PARD3B: variants seen among roughly 807,000 people sequenced by gnomAD.
PARD3B encodes the protein par-3 family cell polarity regulator beta.
Under a neutral mutation model 130.2 loss-of-function variants are expected in PARD3B, and 103 were observed. The ratio of observed to expected loss-of-function variants is 0.79; its 90% CI spans 0.67 to 0.93. PARD3B has a LOEUF of 0.93. Ranked by LOEUF, PARD3B falls within the 40% of genes least tolerant of loss-of-function variation. The probability of loss-of-function intolerance (pLI) is 0.00; values close to 1 mark genes in which losing one functional copy is unlikely to be tolerated. For missense variants in PARD3B, 1,609 were observed against 1,499.2 expected (o/e 1.07, Z -1.21); for synonymous variants, 583 against 553.2 (o/e 1.05, Z -0.76).
In PARD3B at chr2:204,675,659, T is replaced by C. The variant is rs1022191144; in HGVS notation, c.121-10522T>C. On this transcript the variant is annotated intron_variant, in intron 1 of 22. Transcript: ENST00000406610. The surrounding 1 kb of genome is among the most constrained non-coding windows in gnomAD (Gnocchi z 4.4). ...AAAAATGAACCTCTAAAGCCCTTTA[T>C]ATAAAGAAAACCGCTGAGATTATAG... Among the ~76,000 whole-genome samples, 1 of 152,138 alleles carries C rather than the reference T, an allele frequency of 6.6e-6. No homozygotes were observed. Among genetic ancestry groups the C allele is most frequent in the African/African-American group, 2.4e-5 (1 of 41,446 alleles).
rs1370639161 is a variant in PARD3B at position 205,269,901 on chromosome 2, AT to A, written c.2185+24085del. Reference sequence around the variant, plus strand: ...TTCACCAATATCAGTATAACATGTAATTTTTTCCCTAGAATACAGCAAATAA... The same window carrying A: ...TTCACCAATATCAGTATAACATGTAATTTTTCCCTAGAATACAGCAAATAA... On this transcript the variant is annotated intron_variant, in intron 16 of 22. Coordinates refer to ENST00000406610, the MANE Select transcript of PARD3B (RefSeq NM_001302769.2). The surrounding 1 kb of genome is among the most constrained non-coding windows in gnomAD (Gnocchi z 4.7). 1.3e-5 allele frequency among the ~76,000 whole-genome samples: 2 copies of A among 152,092 alleles called. No individual in the cohort carries two copies. Among genetic ancestry groups the A allele is most frequent in the Non-Finnish European group, 2.9e-5 (2 of 68,018 alleles).
At chr2:205,467,594 A>G (rs1559121255) in intron 20 of PARD3B, among the ~76,000 whole-genome samples, 1 of 152,324 alleles carries the variant, frequency 6.6e-6, no homozygotes, top group South Asian at 2.1e-4. Context: ...GCTATTGTAC[A>G]TTACTTTTTT....
chr2:205,182,390 T>TA (rs200853504), intron 13 of PARD3B, among the ~76,000 whole-genome samples: 12 of 149,148 alleles, frequency 8.0e-5, no homozygotes, highest in African/African-American at 1.5e-4. Flanking sequence ...ATCACCACTT[T>TA]AAAAAAAAAC....
At chr2:204,607,789 G>A (rs1217933323) in intron 1 of PARD3B, among the ~76,000 whole-genome samples, 2 of 152,154 alleles carry the variant, frequency 1.3e-5, no homozygotes, top group East Asian at 1.9e-4. Context: ...CAGACTTCGC[G>A]AGAGAGGGAT....
chr2:205,001,775 C>T (rs1694850523), intron 3 of PARD3B, among the ~76,000 whole-genome samples: 2 of 152,214 alleles, frequency 1.3e-5, no homozygotes, highest in Admixed American at 6.5e-5. Context: ...TTGCACAATA[C>T]CCAGCACTTG....
At chr2:204,852,798 T>G (rs901665422) in intron 2 of PARD3B, among the ~76,000 whole-genome samples, 2 of 152,200 alleles carry the variant, frequency 1.3e-5, no homozygotes, top group African/African-American at 4.8e-5. Flanking sequence ...TAAAATTTAT[T>G]TAATTGAGAT....
At chr2:205,205,338 A>T (rs1396995242) in intron 15 of PARD3B, among the ~76,000 whole-genome samples, 1 of 152,096 alleles carries the variant, frequency 6.6e-6, no homozygotes, top group African/African-American at 2.4e-5. Flanking sequence ...GCTTAAGGGG[A>T]TTTTGGGCTG....
chr2:204,717,807 G>A (rs760348214), intron 2 of PARD3B, among the ~76,000 whole-genome samples: 49 of 152,128 alleles, frequency 3.2e-4, no homozygotes, highest in Non-Finnish European at 6.0e-4. Flanking sequence ...TGGATGACTG[G>A]CACAGCAGTA....
rs1006848216 is a variant in PARD3B at position 205,268,299 on chromosome 2, C to G, written c.2185+22477C>G. On this transcript the variant is annotated intron_variant, in intron 16 of 22. Transcript: ENST00000406610. The surrounding 1 kb of genome is among the most constrained non-coding windows in gnomAD (Gnocchi z 4.1). Reference sequence around the variant, plus strand: ...AGCATGAAGACAGACTGATTAAGCTCACTCATATAATTGGTTTTTGAGAAC... The same window carrying G: ...AGCATGAAGACAGACTGATTAAGCTGACTCATATAATTGGTTTTTGAGAAC... 2.6e-5 allele frequency among the ~76,000 whole-genome samples: 4 copies of G among 152,216 alleles called. No individual in the cohort carries two copies. Among genetic ancestry groups the G allele is most frequent in the Non-Finnish European group, 4.4e-5 (3 of 68,040 alleles).
intron 18 of PARD3B, among the ~76,000 whole-genome samples, chr2:205,395,505 C>T (rs2045995655): frequency 6.6e-6 from 1 of 152,152 alleles, no homozygotes; most frequent in South Asian, 2.1e-4. Context: ...AACCCCCACT[C>T]GTGTCTCTGA....
chr2:205,308,480 G>A (rs540865800), intron 18 of PARD3B, among the ~76,000 whole-genome samples: 108 of 151,898 alleles, frequency 7.1e-4, no homozygotes, highest in Middle Eastern at 3.4e-3. Context: ...GGTGGCGGGC[G>A]CCTGTAGTCC....
intron 20 of PARD3B, among the ~76,000 whole-genome samples, chr2:205,441,302 G>A (rs61649177): frequency 0.044 from 6,682 of 152,198 alleles, 514 homozygotes; most frequent in African/African-American, 0.15. Flanking sequence ...GAGATAATAG[G>A]ACTATCTGTC....
chr2:205,488,889 G>T (rs533775585), intron 20 of PARD3B, among the ~76,000 whole-genome samples: 3 of 152,220 alleles, frequency 2.0e-5, no homozygotes, highest in East Asian at 3.9e-4. Flanking sequence ...AAATGCAGCT[G>T]GGATGCAGTA....
chr2:204,717,616 G>T (rs1367501837), intron 2 of PARD3B, among the ~76,000 whole-genome samples: 1 of 151,874 alleles, frequency 6.6e-6, no homozygotes, highest in Non-Finnish European at 1.5e-5. Flanking sequence ...AAGGAATGAT[G>T]AACATTATAG....
intron 2 of PARD3B, among the ~76,000 whole-genome samples, chr2:204,938,091 C>A (rs6727754): frequency 0.49 from 74,718 of 152,058 alleles, 20,012 homozygotes; most frequent in African/African-American, 0.67. Context: ...ACCATGCCTA[C>A]TACTTCTTGG....
chr2:204,823,609 T>C (rs1206983266), intron 2 of PARD3B, among the ~76,000 whole-genome samples: 1 of 152,094 alleles, frequency 6.6e-6, no homozygotes. Context: ...TTGGCACTGA[T>C]ACTTATTTCC....
chr2:205,139,913 G>A (rs1230929982), intron 10 of PARD3B, among the ~76,000 whole-genome samples: 1 of 152,242 alleles, frequency 6.6e-6, no homozygotes, highest in Non-Finnish European at 1.5e-5. Flanking sequence ...TTTGCTGTCA[G>A]ATAGCAGTTC....
intron 1 of PARD3B, among the ~76,000 whole-genome samples, chr2:204,646,885 T>C (rs745607670): frequency 7.2e-5 from 11 of 152,022 alleles, no homozygotes; most frequent in Non-Finnish European, 1.2e-4. Context: ...TAGCTTAGCC[T>C]ACCTTAAACA....
chr2:205,087,536 T>A (rs1489376216), intron 4 of PARD3B, among the ~76,000 whole-genome samples: 1 of 152,186 alleles, frequency 6.6e-6, no homozygotes. Flanking sequence ...TGGACAAAAT[T>A]TGGAATATTT....
Sources: gnomAD v4.1 joint callset for allele counts (sites outside exome capture counted in the v4.1 genomes callset) on GRCh38, gnomAD v4.1.1 for gene constraint, Gnocchi (gnomAD v3.1) non-coding constraint, MANE v1.5 for transcripts, NCBI Gene and HGNC (gene_info 2026-07-23, HGNC 2026-07-21) for gene names.